Variants in SLC25A21 observed in about 807,000 individuals in gnomAD.
SLC25A21 encodes solute carrier family 25 member 21.
SLC25A21 carries 47 observed loss-of-function variants against 43.8 expected under a neutral mutation model. The ratio of observed to expected loss-of-function variants is 1.07; its 90% confidence interval spans 0.85 to 1.37. SLC25A21 has a LOEUF of 1.37. SLC25A21 is among the 40% of genes most tolerant of loss of function. The pLI, the probability that SLC25A21 is intolerant of heterozygous loss-of-function variation, is 0.00. For missense variants in SLC25A21, 352 were observed against 350.2 expected, an observed-to-expected ratio of 1.00 and a Z score of -0.04; for synonymous variants, 131 against 121.3, an observed-to-expected ratio of 1.08 and a Z score of -0.52.
At chr14:37,047,174 G>T (rs1055289575) in intron 1 of SLC25A21, among the ~76,000 whole-genome samples, 1 of 152,158 alleles carries the variant, frequency 6.6e-6, no homozygotes, top group Non-Finnish European at 1.5e-5. Context: ...ACACACATTG[G>T]TGGGGTTGTA....
At position 36,969,749 on chromosome 14, in the gene SLC25A21, C is replaced by T. The variant is rs1044578583; in HGVS notation, c.71-94745G>A. ...TCAGGCCATCCTACCTCCTTGGCCT[C>T]CCAAAATGTTGAGATTAAAGGCATG... On this transcript the variant is annotated intron_variant, in intron 1 of 9. Transcript: ENST00000331299. Among the ~76,000 whole-genome samples the T allele has an allele frequency of 2.6e-5, 4 of 151,988 alleles. No homozygotes were observed. In the East Asian group the frequency reaches 5.8e-4, roughly 22 times the overall value.
At chr14:36,996,565 A>G (rs1960376032) in intron 1 of SLC25A21, among the ~76,000 whole-genome samples, 2 of 152,316 alleles carry the variant, frequency 1.3e-5, no homozygotes, top group South Asian at 2.1e-4. Flanking sequence ...GACTTGCTAC[A>G]TTCTGTTTGT....
intron 2 of SLC25A21, among the ~76,000 whole-genome samples, chr14:36,822,155 T>C (rs17105423): frequency 0.05 from 7,576 of 152,284 alleles, 649 homozygotes; most frequent in African/African-American, 0.17. Context: ...TTCTAGGAAC[T>C]TGGTTCACCT....
intron 1 of SLC25A21, among the ~76,000 whole-genome samples, chr14:36,987,527 C>T (rs1270423977): frequency 6.6e-6 from 1 of 152,156 alleles, no homozygotes; most frequent in African/African-American, 2.4e-5. Context: ...ATTTTCATAG[C>T]TGAGATCATA....
intron 6 of SLC25A21, among the ~76,000 whole-genome samples, chr14:36,721,095 C>T (rs1884356647): frequency 6.6e-6 from 1 of 152,200 alleles, no homozygotes; most frequent in Non-Finnish European, 1.5e-5. Flanking sequence ...TGTAAGATCA[C>T]CTTGCATCTA....
At chr14:37,046,432 T>A (rs968581235) in intron 1 of SLC25A21, among the ~76,000 whole-genome samples, 4 of 152,172 alleles carry the variant, frequency 2.6e-5, no homozygotes, top group Admixed American at 1.3e-4. Context: ...AGGGAAAGGA[T>A]TAAGTAGCTT....
chr14:37,157,520 T>A (rs1357640175), intron 1 of SLC25A21, among the ~76,000 whole-genome samples: 2 of 152,036 alleles, frequency 1.3e-5, no homozygotes, highest in Non-Finnish European at 2.9e-5. Context: ...AAGATGGAAA[T>A]GGAAGAATTC....
At chr14:36,946,336 GT>G (rs1892679185) in intron 1 of SLC25A21, among the ~76,000 whole-genome samples, 1 of 152,112 alleles carries the variant, frequency 6.6e-6, no homozygotes, top group Non-Finnish European at 1.5e-5. Flanking sequence ...TCTGTATTTA[GT>G]ATCCAGTAGC....
intron 3 of SLC25A21, among the ~76,000 whole-genome samples, chr14:36,743,762 G>A (rs936212712): frequency 6.6e-6 from 1 of 152,016 alleles, no homozygotes; most frequent in Admixed American, 6.6e-5. Flanking sequence ...GAAGTCAAAT[G>A]ATCTCTCACT....
intron 1 of SLC25A21, among the ~76,000 whole-genome samples, chr14:36,966,332 A>C (rs1429064198): frequency 1.3e-5 from 2 of 152,208 alleles, no homozygotes; most frequent in African/African-American, 4.8e-5. Flanking sequence ...TCCCTACCAG[A>C]TGGTCCATAG....
At chr14:36,777,514 A>C (rs1886882096) in intron 3 of SLC25A21, among the ~76,000 whole-genome samples, 1 of 152,162 alleles carries the variant, frequency 6.6e-6, no homozygotes. Flanking sequence ...CTGGGCCCTA[A>C]ATTTGATGCT....
chr14:36,787,263 T>G (rs1031389423), intron 3 of SLC25A21, among the ~76,000 whole-genome samples: 1 of 152,144 alleles, frequency 6.6e-6, no homozygotes, highest in African/African-American at 2.4e-5. Flanking sequence ...TCAGAATATC[T>G]TGAGAAGCCA....
At chr14:36,965,526 A>G (rs1205271145) in intron 1 of SLC25A21, among the ~76,000 whole-genome samples, 1 of 152,198 alleles carries the variant, frequency 6.6e-6, no homozygotes, top group Admixed American at 6.5e-5. Flanking sequence ...TAACATTCCA[A>G]TGCTTGAATA....
At chr14:37,025,786 G>A (rs759533220) in intron 1 of SLC25A21, among the ~76,000 whole-genome samples, 2 of 152,110 alleles carry the variant, frequency 1.3e-5, no homozygotes, top group Admixed American at 6.6e-5. Flanking sequence ...TTCAGCCATA[G>A]GATTCCTTGA....
chr14:37,039,980 A>G (rs1399080775), intron 1 of SLC25A21, among the ~76,000 whole-genome samples: 4 of 151,954 alleles, frequency 2.6e-5, no homozygotes, highest in Non-Finnish European at 5.9e-5. Flanking sequence ...GGATCACCTG[A>G]GGTCAGGAGT....
intron 1 of SLC25A21, among the ~76,000 whole-genome samples, chr14:37,160,130 T>C (rs934237056): frequency 6.6e-6 from 1 of 152,126 alleles, no homozygotes; most frequent in African/African-American, 2.4e-5. Flanking sequence ...TAAACTAGTA[T>C]AGCCACTATG....
chr14:36,779,625 T>C (rs1247477645), intron 3 of SLC25A21, among the ~76,000 whole-genome samples: 1 of 142,010 alleles, frequency 7.0e-6, no homozygotes. Flanking sequence ...TATATATATA[T>C]ATATATATAT....
chr14:36,762,698 A>G (rs2764953), intron 3 of SLC25A21, among the ~76,000 whole-genome samples: 24,294 of 152,170 alleles, frequency 0.16, 2,220 homozygotes, highest in Middle Eastern at 0.25. Context: ...GGGGACATGA[A>G]TCTCTCTAAG....
chr14:36,803,149 T>G (rs868241500), intron 3 of SLC25A21, among the ~76,000 whole-genome samples: 1 of 152,144 alleles, frequency 6.6e-6, no homozygotes, highest in Non-Finnish European at 1.5e-5. Flanking sequence ...GTATCTCAGA[T>G]TCTGTGGAAA....
Sources: allele counts gnomAD v4.1 joint callset (sites outside exome capture counted in the v4.1 genomes callset), GRCh38; gene constraint gnomAD v4.1.1; transcripts MANE v1.5; gene names NCBI Gene and HGNC (gene_info 2026-07-23, HGNC 2026-07-21).